PRR14L: variants seen among roughly 807,000 people sequenced by gnomAD.
PRR14L encodes proline rich 14 like, also known as protein PRR14L.
PRR14L carries 80 observed loss-of-function variants against 155.0 expected under a neutral mutation model. The observed-to-expected ratio is 0.52, with a 90% CI of 0.43 to 0.62. The LOEUF is 0.62. Ranked by LOEUF, PRR14L falls within the 20% of genes least tolerant of loss-of-function variation. The pLI is 0.00. For missense variants in PRR14L, 2,469 were observed against 2,548.0 expected (o/e 0.97, Z 0.67); for synonymous variants, 883 against 916.0 (o/e 0.96, Z 0.65).
intron 1 of PRR14L, among the ~76,000 whole-genome samples, chr22:31,744,798 C>T (rs1256299109): frequency 6.6e-6 from 1 of 152,152 alleles, no homozygotes; most frequent in Non-Finnish European, 1.5e-5. Context: ...CACATACGGT[C>T]ATACACAAAT....
chr22:31,704,611 A>ACACACG (rs781494797), intron 5 of PRR14L, 44 bp downstream of exon 5: 1 of 1,530,556 alleles, frequency 6.5e-7, no homozygotes, highest in Non-Finnish European at 9.0e-7. Flanking sequence ...TCTTGCACAC[A>ACACACG]CACACGCACA....
At chr22:31,695,140 A>G (rs1023118812) in intron 7 of PRR14L, among the ~76,000 whole-genome samples, 2 of 152,182 alleles carry the variant, frequency 1.3e-5, no homozygotes, top group African/African-American at 4.8e-5. Flanking sequence ...ATACCCCCAA[A>G]AAAAGAACAG....
At chr22:31,744,693 C>T (rs2074828671) in intron 1 of PRR14L, among the ~76,000 whole-genome samples, 1 of 152,228 alleles carries the variant, frequency 6.6e-6, no homozygotes, top group Non-Finnish European at 1.5e-5. Flanking sequence ...TCAGCACTTG[C>T]AGCCTGTGGA....
At chr22:31,700,502 T>C (rs1439525393) in intron 7 of PRR14L, among the ~76,000 whole-genome samples, 2 of 152,262 alleles carry the variant, frequency 1.3e-5, no homozygotes, top group Non-Finnish European at 2.9e-5. Flanking sequence ...TTTATTCGTG[T>C]TGTGTGAAGC....
At chr22:31,731,153 C>T (rs892449189) in intron 2 of PRR14L, among the ~76,000 whole-genome samples, 3 of 152,008 alleles carry the variant, frequency 2.0e-5, no homozygotes, top group Admixed American at 2.0e-4. Flanking sequence ...TTTCTTTTAT[C>T]GGAAAAAAGT....
chr22:31,731,662 A>C (rs1217349511), intron 2 of PRR14L, among the ~76,000 whole-genome samples: 1 of 145,734 alleles, frequency 6.9e-6, no homozygotes, highest in Non-Finnish European at 1.5e-5. Flanking sequence ...TTTGTAATTT[A>C]TTTCTCTGAG....
At chr22:31,702,688 G>A (rs1273604529) in intron 6 of PRR14L, among the ~76,000 whole-genome samples, 1 of 151,676 alleles carries the variant, frequency 6.6e-6, no homozygotes, top group South Asian at 2.1e-4. Context: ...GCTAATTTTT[G>A]TATTTTTAGT....
At chr22:31,747,290 T>C (rs2074843846) in intron 1 of PRR14L, among the ~76,000 whole-genome samples, 1 of 150,434 alleles carries the variant, frequency 6.6e-6, no homozygotes, top group Non-Finnish European at 1.5e-5. Flanking sequence ...TGTTTTGTAT[T>C]TTTAGTAAAG....
Position 31,742,346 on chromosome 22 carries a change from G to A in PRR14L, c.-51-3435C>T, listed in dbSNP as rs116714838. 1.0e-3 allele frequency among the ~76,000 whole-genome samples: 156 copies of A among 150,720 alleles called. 3 individuals carry two copies. In the East Asian group the frequency reaches 0.027, roughly 26 times the overall value. On this transcript the variant is annotated intron_variant, in intron 1 of 8. Coordinates refer to ENST00000327423, the MANE Select transcript of PRR14L (RefSeq NM_173566.3). The stretch of plus-strand genomic sequence containing the variant: ...CATCTTTTTCTGCAGCCTCTGTAAT[G>A]AGGATGACTCAAAACTCTTCCTTTT...
chr22:31,739,843 A>C (rs1371870701), intron 1 of PRR14L, among the ~76,000 whole-genome samples: 1 of 152,228 alleles, frequency 6.6e-6, no homozygotes, highest in Admixed American at 6.5e-5. Context: ...ACAAGTAGCC[A>C]AAACACACAC....
At position 31,682,552 on chromosome 22, in the gene PRR14L, G is replaced by A. The variant is rs563384273; in HGVS notation, c.*2975C>T. On this transcript the variant is annotated 3_prime_UTR_variant, in exon 9 of 9. Transcript: ENST00000327423. ...CAAAAGCAAAAAAAGAGGAGGGAAC[G>A]CGGAGGGAGAAGGCAAACACAGCTA... is the stretch of plus-strand genomic sequence containing the variant. 13 of 152,170 alleles carry A rather than the reference G, an allele frequency of 8.5e-5. No homozygotes were observed. In the East Asian group the frequency reaches 2.1e-3, roughly 25 times the overall value. The allele number at this position is 152,170 out of a possible 1,614,324, so 9.4% of individuals were successfully genotyped here. A position where few individuals can be genotyped will look rare whatever the true frequency, so the allele number is the denominator to read the frequency against.
chr22:31,715,295 T>A lies in PRR14L; in HGVS notation c.2544A>T (p.Lys848Asn). The A allele has an allele frequency of 1.9e-6, 3 of 1,552,164 alleles. No individual in the cohort carries two copies. Among genetic ancestry groups the A allele is most frequent in the East Asian group, 4.9e-5 (2 of 40,932 alleles). The stretch of plus-strand genomic sequence containing the variant: ...CCCTTTCCTGTGATGTGTAACTCAC[T>A]TTACAGCTGCTTTTTTCCACAGAGT... ...TGHSVEKSSC[K>N]VSYTSQEREL... The change falls in exon 4 of 9, where the codon AAA (lysine) becomes AAT (asparagine). Residue 848 changes from lysine (K) to asparagine (N), a missense_variant. Physicochemically the swap from Lys to Asn is moderately conservative, Grantham distance 94 (BLOSUM62 0). Coordinates refer to ENST00000327423, the MANE Select transcript of PRR14L (RefSeq NM_173566.3).
rs188636825 is a variant in PRR14L at position 31,694,797 on chromosome 22, C to T, written c.6108-6570G>A. Among the ~76,000 whole-genome samples, 37 of 146,110 alleles carry T rather than the reference C, an allele frequency of 2.5e-4. No individual in the cohort carries two copies. The East Asian group carries it at 7.3e-3, about 29-fold the overall frequency. On this transcript the variant is annotated intron_variant, in intron 7 of 8. Coordinates refer to ENST00000327423, the MANE Select transcript of PRR14L (RefSeq NM_173566.3). The stretch of plus-strand genomic sequence containing the variant: ...CAGAAAAAAAAAAAGAAAAAGAATA[C>T]AAAATTAGGCCAGGTGCGGTGGCTC...
At chr22:31,721,001 T>C (rs1378076903) in intron 3 of PRR14L, among the ~76,000 whole-genome samples, 2 of 152,250 alleles carry the variant, frequency 1.3e-5, no homozygotes, top group East Asian at 3.8e-4. Context: ...AGCCCAGTTA[T>C]AGGGAACTCT....
chr22:31,720,185 C>G (rs997778759), intron 3 of PRR14L, among the ~76,000 whole-genome samples: 5 of 152,130 alleles, frequency 3.3e-5, no homozygotes, highest in African/African-American at 1.2e-4. Context: ...AGGTGCCTTT[C>G]TTTTGCTCTG....
At chr22:31,746,397 T>G (rs2074837898) in intron 1 of PRR14L, among the ~76,000 whole-genome samples, 1 of 152,204 alleles carries the variant, frequency 6.6e-6, no homozygotes, top group African/African-American at 2.4e-5. Flanking sequence ...CCACCAATGC[T>G]TTTACATTAA....
At chr22:31,695,619 C>T (rs919113783) in intron 7 of PRR14L, among the ~76,000 whole-genome samples, 4 of 152,164 alleles carry the variant, frequency 2.6e-5, no homozygotes, top group Non-Finnish European at 4.4e-5. Flanking sequence ...GAAGCAAAAA[C>T]CACATGCTCC....
chr22:31,700,959 A>C lies in PRR14L; in HGVS notation c.6107+697T>G, dbSNP rs149775951. On this transcript the variant is annotated intron_variant, in intron 7 of 8. Coordinates refer to ENST00000327423, the MANE Select transcript of PRR14L (RefSeq NM_173566.3). Reference sequence around the variant, plus strand: ...TTTGCTGATAAGAAATGGAGAAGCAAAATCGATCAGAAGAAAATATAAGTT... The same window carrying C: ...TTTGCTGATAAGAAATGGAGAAGCACAATCGATCAGAAGAAAATATAAGTT... 2.2e-3 allele frequency among the ~76,000 whole-genome samples: 337 copies of C among 152,014 alleles called. 1 individual carries two copies. Among genetic ancestry groups the C allele is most frequent in the Middle Eastern group, 0.01 (3 of 292 alleles).
At chr22:31,685,829 C>G (rs2074479435) in intron 8 of PRR14L, 26 bp from the exon 9 acceptor site, 1 of 1,545,056 alleles carries the variant, frequency 6.5e-7, no homozygotes. Context: ...GAAACAATCA[C>G]CAACAGACTG....
Sources: allele counts gnomAD v4.1 joint callset (sites outside exome capture counted in the v4.1 genomes callset), GRCh38; gene constraint gnomAD v4.1.1; transcripts MANE v1.5; gene names NCBI Gene and HGNC (gene_info 2026-07-23, HGNC 2026-07-21).